Variants in PTPRD observed in about 807,000 individuals in gnomAD.
PTPRD encodes the protein protein tyrosine phosphatase receptor type D, also known as receptor-type tyrosine-protein phosphatase delta.
In PTPRD, 34 loss-of-function variants were observed where a neutral mutation model predicts 214.5. The observed-to-expected ratio is 0.16, with a 90% CI of 0.12 to 0.21. The LOEUF (loss-of-function observed/expected upper bound fraction) is 0.21. PTPRD is among the 10% of genes least tolerant of loss of function. The probability of loss-of-function intolerance (pLI) is 1.00; values close to 1 mark genes in which losing one functional copy is unlikely to be tolerated. For synonymous variants in PTPRD, 1,128 were observed against 845.7 expected (o/e 1.33, Z -5.79); for missense variants, 2,545 against 2,398.7 (o/e 1.06, Z -1.27).
intron 10 of PTPRD, among the ~76,000 whole-genome samples, chr9:9,152,260 A>T (rs1262838896): frequency 1.3e-5 from 2 of 152,220 alleles, no homozygotes; most frequent in African/African-American, 4.8e-5. Context: ...TTGAATGCAC[A>T]TGTAGAGACA....
intron 10 of PTPRD, among the ~76,000 whole-genome samples, chr9:9,138,978 G>GTATTATA (rs2099855617): frequency 6.6e-6 from 1 of 151,918 alleles, no homozygotes; most frequent in South Asian, 2.1e-4. Flanking sequence ...CTTCATTAAG[G>GTATTATA]TATTATATTT....
In PTPRD at chr9:8,911,096, C is replaced by A. The variant is rs573324762; in HGVS notation, c.-104+107601G>T. On this transcript the variant is annotated intron_variant, in intron 11 of 45. Transcript: ENST00000381196. ...CATTTCAACACAGTCAAAATGCTGG[C>A]AGGCATGTTTTTGTACAATTTTAAA... Among the ~76,000 whole-genome samples, 33 of 152,270 alleles carry A rather than the reference C, an allele frequency of 2.2e-4. No individual in the cohort carries two copies. The South Asian group carries it at 6.0e-3, about 28-fold the overall frequency.
chr9:10,210,498 T>G (rs1053361630), intron 3 of PTPRD, among the ~76,000 whole-genome samples: 48 of 151,976 alleles, frequency 3.2e-4, no homozygotes, highest in African/African-American at 1.1e-3. Flanking sequence ...GCTCTTGGGG[T>G]ATGGGAAAGA....
chr9:9,812,599 A>G (rs992078120), intron 5 of PTPRD, among the ~76,000 whole-genome samples: 1 of 152,108 alleles, frequency 6.6e-6, no homozygotes, highest in African/African-American at 2.4e-5. Context: ...AAAGGAATCA[A>G]TTCATCAAAA....
At chr9:8,687,907 T>G (rs1391461662) in intron 12 of PTPRD, among the ~76,000 whole-genome samples, 1 of 152,204 alleles carries the variant, frequency 6.6e-6, no homozygotes, top group African/African-American at 2.4e-5. Flanking sequence ...TTGTCTTTGA[T>G]AATCTATATG....
At chr9:8,825,202 G>T (rs1206497032) in intron 11 of PTPRD, among the ~76,000 whole-genome samples, 1 of 152,176 alleles carries the variant, frequency 6.6e-6, no homozygotes, top group Non-Finnish European at 1.5e-5. Context: ...GCACAGGTTA[G>T]AAACCCTGTA....
At chr9:8,562,748 T>C (rs897669824) in intron 14 of PTPRD, among the ~76,000 whole-genome samples, 9 of 152,158 alleles carry the variant, frequency 5.9e-5, no homozygotes, top group Non-Finnish European at 1.3e-4. Flanking sequence ...ATAATATGTT[T>C]TGAGGAGAAA....
intron 2 of PTPRD, among the ~76,000 whole-genome samples, chr9:10,510,012 A>T (rs1185027862): frequency 1.3e-5 from 2 of 152,056 alleles, no homozygotes; most frequent in African/African-American, 2.4e-5. Context: ...AGTTCTTATG[A>T]TATAATATAT....
intron 7 of PTPRD, among the ~76,000 whole-genome samples, chr9:9,679,979 C>T (rs544823596): frequency 5.5e-4 from 83 of 151,930 alleles, no homozygotes; most frequent in African/African-American, 1.9e-3. Flanking sequence ...ACTTCTCTTG[C>T]TTTTGAATAT....
intron 4 of PTPRD, among the ~76,000 whole-genome samples, chr9:9,971,799 T>G (rs73643837): frequency 0.025 from 3,806 of 152,162 alleles, 147 homozygotes; most frequent in African/African-American, 0.084. Context: ...TCCCATAATC[T>G]CTTTGTGTAC....
At chr9:8,498,517 C>T (rs1199499728) in intron 25 of PTPRD, among the ~76,000 whole-genome samples, 3 of 152,148 alleles carry the variant, frequency 2.0e-5, no homozygotes, top group Non-Finnish European at 4.4e-5. Context: ...ACCAGGGGAT[C>T]CGTCCGCCTT....
intron 7 of PTPRD, among the ~76,000 whole-genome samples, chr9:9,649,115 G>A (rs1463229006): frequency 1.3e-5 from 2 of 152,096 alleles, no homozygotes; most frequent in East Asian, 1.9e-4. Flanking sequence ...GTGTTATTCA[G>A]GGTCTGTGAC....
intron 5 of PTPRD, among the ~76,000 whole-genome samples, chr9:9,884,433 C>T (rs183005837): frequency 6.6e-6 from 1 of 152,114 alleles, no homozygotes; most frequent in Non-Finnish European, 1.5e-5. Context: ...GAAAGCCCTT[C>T]CTCAATATTA....
intron 7 of PTPRD, among the ~76,000 whole-genome samples, chr9:9,712,057 C>A (rs539401396): frequency 2.0e-3 from 297 of 151,734 alleles, no homozygotes; most frequent in African/African-American, 6.8e-3. Context: ...TAGCAAAACT[C>A]AAAAATTTAA....
intron 2 of PTPRD, among the ~76,000 whole-genome samples, chr9:10,373,657 T>A (rs972405163): frequency 6.6e-6 from 1 of 152,100 alleles, no homozygotes; most frequent in Non-Finnish European, 1.5e-5. Flanking sequence ...ACCTTGATGA[T>A]CTTTGCCTCA....
At chr9:9,370,756 G>A (rs1374002108) in intron 9 of PTPRD, among the ~76,000 whole-genome samples, 3 of 151,940 alleles carry the variant, frequency 2.0e-5, no homozygotes, top group East Asian at 3.9e-4. Flanking sequence ...GTTTGTCATA[G>A]ATAGCTCTTA....
intron 3 of PTPRD, among the ~76,000 whole-genome samples, chr9:10,232,861 G>A (rs1225703692): frequency 6.6e-6 from 1 of 151,956 alleles, no homozygotes; most frequent in Non-Finnish European, 1.5e-5. Context: ...CAGCTCAAAT[G>A]TCAACTATGC....
intron 7 of PTPRD, among the ~76,000 whole-genome samples, chr9:9,731,197 A>C (rs193018810): frequency 6.6e-6 from 1 of 152,120 alleles, no homozygotes; most frequent in East Asian, 1.9e-4. Context: ...TTTTTACTTG[A>C]GAATTATATC....
intron 4 of PTPRD, among the ~76,000 whole-genome samples, chr9:10,030,639 G>A (rs1001067970): frequency 6.6e-6 from 1 of 152,172 alleles, no homozygotes; most frequent in South Asian, 2.1e-4. Context: ...AATATATGAG[G>A]GGCCTGGTGA....
Sources: allele counts gnomAD v4.1 joint callset (sites outside exome capture counted in the v4.1 genomes callset), GRCh38; gene constraint gnomAD v4.1.1; transcripts MANE v1.5; gene names NCBI Gene and HGNC (gene_info 2026-07-23, HGNC 2026-07-21).